SAMD14: variants seen among roughly 807,000 people sequenced by gnomAD.
SAMD14 encodes the protein sterile alpha motif domain-containing protein 14.
Under a neutral mutation model 46.2 loss-of-function variants are expected in SAMD14, and 27 were observed. That is an observed-to-expected ratio of 0.58 (90% confidence interval 0.43 to 0.81). SAMD14 has a LOEUF of 0.81. Ranked by LOEUF, SAMD14 falls within the 30% of genes least tolerant of loss-of-function variation. The probability of loss-of-function intolerance (pLI) is 0.00; values close to 1 mark genes in which losing one functional copy is unlikely to be tolerated. For missense variants in SAMD14, 559 were observed against 582.2 expected (o/e 0.96, Z 0.41); for synonymous variants, 241 against 254.3 (o/e 0.95, Z 0.50).
Position 50,115,782 on chromosome 17 carries a change from G to A in SAMD14, c.662+48C>T, listed in dbSNP as rs201091841. On this transcript the variant is annotated intron_variant, in intron 6 of 9. Transcript: ENST00000330175. This position sits in a 1 kb window ranked among gnomAD's most constrained non-coding sequence, Gnocchi z 5.3. The stretch of plus-strand genomic sequence containing the variant: ...CAGAGGGGAGGACCAGAGCACATGG[G>A]GAGCCAGGGGCGGGAGCTGTGGGTG... The A allele has an allele frequency of 1.9e-6, 3 of 1,613,166 alleles. No individual in the cohort carries two copies. Among genetic ancestry groups the A allele is most frequent in the East Asian group, 2.2e-5 (1 of 44,890 alleles).
At chr17:50,124,799 ACACACACACT>A in intron 2 of SAMD14, 108 bp downstream of exon 2, 2 of 978,506 alleles carry the variant, frequency 2.0e-6, no homozygotes. Flanking sequence ...ACACACACAC[ACACACACACT>A]CTGAAGCTGC....
Position 50,116,104 on chromosome 17 carries a change from G to T in SAMD14, c.500-14C>A. ...CACGGCTGTCATCTTTCCAGGGAGAGAAGGAAGGAAACTGCCTGTTTGCTG... is the reference window on the plus strand; with the variant it reads ...CACGGCTGTCATCTTTCCAGGGAGATAAGGAAGGAAACTGCCTGTTTGCTG... On this transcript the variant is annotated splice_polypyrimidine_tract_variant and intron_variant, in intron 4 of 9. Coordinates refer to ENST00000330175, the MANE Select transcript of SAMD14 (RefSeq NM_001257359.2). The T allele has an allele frequency of 6.2e-7, 1 of 1,607,944 alleles. No homozygotes were observed. The highest frequency in any genetic ancestry group is 1.3e-5 in the African/African-American group (1 of 74,938).
At chr17:50,114,149 T>C in intron 8 of SAMD14, 38 bp downstream of exon 8, 1 of 1,613,846 alleles carries the variant, frequency 6.2e-7, no homozygotes, top group African/African-American at 1.3e-5. Context: ...GAGTCAGAGG[T>C]CAGGACTCCG....
At chr17:50,120,436 G>C (rs1250628801) in intron 2 of SAMD14, among the ~76,000 whole-genome samples, 2 of 152,132 alleles carry the variant, frequency 1.3e-5, no homozygotes, top group Non-Finnish European at 2.9e-5. Flanking sequence ...TCATCTTTTA[G>C]CCTGGATTAT....
chr17:50,121,651 C>T (rs1270655300), intron 2 of SAMD14, among the ~76,000 whole-genome samples: 1 of 152,158 alleles, frequency 6.6e-6, no homozygotes, highest in Non-Finnish European at 1.5e-5. Flanking sequence ...CCATACTCTC[C>T]TGCTTTTGAA....
rs150420736 is a variant in SAMD14 at position 50,118,344 on chromosome 17, G to A, written c.44-17C>T. On this transcript the variant is annotated splice_polypyrimidine_tract_variant and intron_variant, in intron 2 of 9. Coordinates refer to ENST00000330175, the MANE Select transcript of SAMD14 (RefSeq NM_001257359.2). ...AGTCCAGGTCTGCGAACCGGGGGAG[G>A]GGAGCAGAGACCAGACACATGAGAG... The A allele has an allele frequency of 8.5e-3, 13,653 of 1,608,974 alleles. 93 individuals are homozygous for A. The highest frequency in any genetic ancestry group is 0.011 in the South Asian group (1,019 of 91,000).
At position 50,128,482 on chromosome 17, in the gene SAMD14, T is replaced by TCACA. The variant is rs34869142; in HGVS notation, c.-13+1031_-13+1034dup. 7.1e-3 allele frequency among the ~76,000 whole-genome samples: 964 copies of TCACA among 135,882 alleles called. 5 individuals are homozygous for TCACA. The highest frequency in any genetic ancestry group is 0.023 in the East Asian group (108 of 4,622). The allele number at this position is 135,882 out of a possible 152,430, so 89.1% of individuals were successfully genotyped here. A position where few individuals can be genotyped will look rare whatever the true frequency, so the allele number is the denominator to read the frequency against. ...TCCCACACACACCCCGCACACTCTC[T>TCACA]CACACACACACACACACACACACAC... On this transcript the variant is annotated intron_variant, in intron 1 of 9. Coordinates refer to ENST00000330175, the MANE Select transcript of SAMD14 (RefSeq NM_001257359.2).
rs754222659 is a variant in SAMD14, at chr17:50,115,184, T to C, written c.822+380A>G. Among the ~76,000 whole-genome samples, 4 of 152,164 alleles carry C rather than the reference T, an allele frequency of 2.6e-5. No homozygotes were observed. The highest frequency in any genetic ancestry group is 5.9e-5 in the Non-Finnish European group (4 of 68,028). On this transcript the variant is annotated intron_variant, in intron 7 of 9. Coordinates refer to ENST00000330175, the MANE Select transcript of SAMD14 (RefSeq NM_001257359.2). The surrounding 1 kb of genome is among the most constrained non-coding windows in gnomAD (Gnocchi z 5.3). ...TAGGTTGGGGTCCTGTTTGTCTCTATATCCCCCAGGCCTCACCCTACCAAG... is the reference window on the plus strand; with the variant it reads ...TAGGTTGGGGTCCTGTTTGTCTCTACATCCCCCAGGCCTCACCCTACCAAG...
chr17:50,113,834 G>T, intron 9 of SAMD14, 90 bp downstream of exon 9: 1 of 1,520,892 alleles, frequency 6.6e-7, no homozygotes, highest in Non-Finnish European at 9.0e-7. Context: ...AGGCTGGGCT[G>T]AGGGTCAAAG....
intron 2 of SAMD14, chr17:50,123,704 G>C (rs1911607529): frequency 4.8e-6 from 1 of 208,008 alleles, no homozygotes; most frequent in African/African-American, 2.3e-5. Flanking sequence ...GCTCCTCCCA[G>C]CCCTGGGCAG....
Position 50,110,793 on chromosome 17 carries a change from A to G in SAMD14, c.*2100T>C, listed in dbSNP as rs1598217838. 6.6e-6 allele frequency: 1 copy of G among 152,146 alleles called. No individual in the cohort carries two copies. The highest frequency in any genetic ancestry group is 1.9e-4 in the East Asian group (1 of 5,164). The allele number at this position is 152,146 out of a possible 1,614,324, so 9.4% of individuals were successfully genotyped here. A position where few individuals can be genotyped will look rare whatever the true frequency, so the allele number is the denominator to read the frequency against. On this transcript the variant is annotated 3_prime_UTR_variant, in exon 10 of 10. Transcript: ENST00000330175. Reference sequence around the variant, plus strand: ...GTGCCACCTCCTGAGCCCTCCCAGCATGTCCTCACATGCTCATGCCCACCC... The same window carrying G: ...GTGCCACCTCCTGAGCCCTCCCAGCGTGTCCTCACATGCTCATGCCCACCC...
At position 50,117,468 on chromosome 17, in the gene SAMD14, G is replaced by A. The variant is rs1369189598; in HGVS notation, c.438C>T (p.Pro146=). Residue 146 remains proline, a synonymous_variant, in exon 4 of 10, where the codon CCC becomes CCT. Transcript: ENST00000330175. ...AASCSPPRSA[P]SSDSSPSFVR... is the part of the protein sequence containing the mutation. ...CGAAGCTGGGGGAGCTGTCGGAGGA[G>A]GGCGCGGAGCGCGGCGGAGAGCAGG... 1.4e-6 allele frequency: 2 copies of A among 1,397,304 alleles called. No individual in the cohort carries two copies. Among genetic ancestry groups the A allele is most frequent in the East Asian group, 3.0e-5 (1 of 33,636 alleles). 86.6% of individuals were successfully genotyped at this position (1,397,304 alleles called of 1,614,324 possible). A position where few individuals can be genotyped will look rare whatever the true frequency, so the allele number is the denominator to read the frequency against.
At chr17:50,123,560 G>C (rs1911599915) in intron 2 of SAMD14, 1 of 155,050 alleles carries the variant, frequency 6.4e-6, no homozygotes, top group African/African-American at 2.4e-5. Context: ...GACTCCTAAG[G>C]GGCTTGGTGG....
At chr17:50,116,974 G>C (rs866073324) in intron 4 of SAMD14, among the ~76,000 whole-genome samples, 7 of 152,126 alleles carry the variant, frequency 4.6e-5, no homozygotes, top group Middle Eastern at 3.2e-3. Flanking sequence ...TCCCGCCTCA[G>C]CCTTCCAAGT....
Position 50,117,628 on chromosome 17 carries a change from G to A in SAMD14, c.278C>T (p.Pro93Leu), listed in dbSNP as rs934677967. 6.4e-7 allele frequency: 1 copy of A among 1,558,616 alleles called. No homozygotes were observed. Among genetic ancestry groups the A allele is most frequent in the Non-Finnish European group, 8.6e-7 (1 of 1,162,224 alleles). Residue 93 changes from proline to leucine, a missense_variant, in exon 4 of 10, where the codon CCG becomes CTG. Coordinates refer to ENST00000330175, the MANE Select transcript of SAMD14 (RefSeq NM_001257359.2). ...ATCCAGGCAGAAAGAGCCCCCGGCC[G>A]GGGACCCCGGGCCTGAGTGCAAAGG... ...RSPLHSGPGS[P>L]AGGSFCLDPP...
Position 50,116,079 on chromosome 17 carries a change from C to A in SAMD14, c.511G>T (p.Asp171Tyr), listed in dbSNP as rs1911186493. The A allele has an allele frequency of 6.2e-7, 1 of 1,613,468 alleles. No homozygotes were observed. Among genetic ancestry groups the A allele is most frequent in the Admixed American group, 1.7e-5 (1 of 59,966 alleles). Reference sequence around the variant, plus strand: ...CTGGCGGGCTCAGGAGGACTGGCGTCACGGCTGTCATCTTTCCAGGGAGAG... The same window carrying A: ...CTGGCGGGCTCAGGAGGACTGGCGTAACGGCTGTCATCTTTCCAGGGAGAG... Reference protein sequence around the residue: ...AEPHSEDDSRDASPPEPASPT... With the variant: ...AEPHSEDDSRYASPPEPASPT... Residue 171 changes from aspartate (D) to tyrosine (Y), a missense_variant, in exon 5 of 10, where the codon GAC (aspartate) becomes TAC (tyrosine). Asp to Tyr is a radical substitution (Grantham distance 160). Coordinates refer to ENST00000330175, the MANE Select transcript of SAMD14 (RefSeq NM_001257359.2).
chr17:50,125,769 C>T (rs1425302806), intron 1 of SAMD14, among the ~76,000 whole-genome samples: 1 of 152,216 alleles, frequency 6.6e-6, no homozygotes, highest in Non-Finnish European at 1.5e-5. Context: ...AGCAGGGCCA[C>T]TGTTCCAGAC....
chr17:50,127,328 C>T (rs1054808369), intron 1 of SAMD14, among the ~76,000 whole-genome samples: 20 of 151,796 alleles, frequency 1.3e-4, no homozygotes, highest in South Asian at 4.1e-4. Flanking sequence ...CTAGGCTGGG[C>T]GCAGTGCCTC....
At position 50,112,952 on chromosome 17, in the gene SAMD14, T is replaced by TGCG. The variant is rs1910938031; in HGVS notation, c.1194_1195insCGC (p.Glu398_Lys399insArg). 1 of 1,610,802 alleles carries TGCG rather than the reference T, an allele frequency of 6.2e-7. No homozygotes were observed. The highest frequency in any genetic ancestry group is 1.3e-5 in the African/African-American group (1 of 75,032). ...AGCTTCTCCCGCTGCCGCGCAGCCT[T>TGCG]CTCCTGGGCCTTGCGCTCCTTCTCG... On this transcript the variant is annotated inframe_insertion, in exon 10 of 10. Transcript: ENST00000330175.
Sources: gnomAD v4.1 joint callset for allele counts (sites outside exome capture counted in the v4.1 genomes callset) on GRCh38, gnomAD v4.1.1 for gene constraint, Gnocchi (gnomAD v3.1) non-coding constraint, MANE v1.5 for transcripts, NCBI Gene and HGNC (gene_info 2026-07-23, HGNC 2026-07-21) for gene names.